CD86: variants seen among roughly 807,000 people sequenced by gnomAD.
The protein encoded by CD86 is T-lymphocyte activation antigen CD86.
In CD86, 11 loss-of-function variants were observed where a neutral mutation model predicts 32.1. That is an observed-to-expected ratio of 0.34 (90% CI 0.22 to 0.57). CD86 has a LOEUF of 0.57. CD86 is among the 20% of genes least tolerant of loss of function. The pLI is 0.86. For missense variants in CD86, 359 were observed against 398.4 expected (o/e 0.90, Z 0.84); for synonymous variants, 137 against 135.3 (o/e 1.01, Z -0.09).
rs144260362 is a variant in CD86, at chr3:122,101,213, A to G, written c.65-2299A>G. ...GGAGACAGAGGCAGAGATTCTCTAC[A>G]ACAGCTGCTCAAACTATAGCTCTTG... On this transcript the variant is annotated intron_variant, in intron 2 of 6. Transcript: ENST00000330540. Among the ~76,000 whole-genome samples the G allele has an allele frequency of 3.1e-3, 468 of 152,208 alleles. 1 individual carries two copies. Among genetic ancestry groups the G allele is most frequent in the Non-Finnish European group, 4.0e-3 (271 of 68,014 alleles).
chr3:122,071,300 C>G (rs1471788699), intron 1 of CD86, among the ~76,000 whole-genome samples: 1 of 152,168 alleles, frequency 6.6e-6, no homozygotes, highest in Non-Finnish European at 1.5e-5. Context: ...CACCCCTCCC[C>G]AACCCCTGGA....
intron 4 of CD86, among the ~76,000 whole-genome samples, chr3:122,108,230 C>T (rs1428138741): frequency 6.6e-6 from 1 of 152,232 alleles, no homozygotes; most frequent in Non-Finnish European, 1.5e-5. Flanking sequence ...GCTTGCCTCT[C>T]TGGGTTTCCC....
chr3:122,078,092 G>C (rs2072580240), intron 1 of CD86: 1 of 975,474 alleles, frequency 1.0e-6, no homozygotes, highest in South Asian at 4.7e-5. Context: ...ATGAGATAAA[G>C]CTGCAAGCTG....
chr3:122,056,928 G>A (rs542284964), intron 1 of CD86, among the ~76,000 whole-genome samples: 3 of 152,264 alleles, frequency 2.0e-5, no homozygotes, highest in African/African-American at 7.2e-5. Context: ...TATTGAACTT[G>A]TTAAGATTCC....
At chr3:122,106,875 G>A (rs1036735228) in intron 4 of CD86, among the ~76,000 whole-genome samples, 228 of 37,166 alleles carry the variant, frequency 6.1e-3, no homozygotes, top group Non-Finnish European at 0.015. Context: ...CACACACCAT[G>A]CATACATGCA....
chr3:122,059,713 T>A (rs1273945510), intron 1 of CD86, among the ~76,000 whole-genome samples: 2 of 152,134 alleles, frequency 1.3e-5, no homozygotes, highest in Non-Finnish European at 2.9e-5. Flanking sequence ...TTAAAATTCA[T>A]ATGTTGAAAT....
At chr3:122,103,930 C>T in intron 3 of CD86, 83 bp downstream of exon 3, 1 of 1,141,582 alleles carries the variant, frequency 8.8e-7, no homozygotes, top group Admixed American at 2.1e-5. Context: ...TGGAGGGGGA[C>T]TTGAGGGGCC....
At chr3:122,102,495 C>T (rs1370904460) in intron 2 of CD86, among the ~76,000 whole-genome samples, 1 of 134,934 alleles carries the variant, frequency 7.4e-6, no homozygotes, top group East Asian at 2.6e-4. Flanking sequence ...TGATCATTCA[C>T]ATTTAAGTAG....
At chr3:122,078,034 C>A (rs145115027) in intron 1 of CD86, 4 of 985,572 alleles carry the variant, frequency 4.1e-6, no homozygotes, top group African/African-American at 1.7e-5. Flanking sequence ...AGTGGACAGG[C>A]ATTTGTGACA....
intron 1 of CD86, among the ~76,000 whole-genome samples, chr3:122,071,746 T>C (rs920729513): frequency 2.0e-5 from 3 of 152,054 alleles, no homozygotes; most frequent in Admixed American, 2.0e-4. Context: ...TTTATTATAC[T>C]TTAAGTTTTA....
chr3:122,100,736 A>T (rs1267725746), intron 2 of CD86, among the ~76,000 whole-genome samples: 1 of 152,140 alleles, frequency 6.6e-6, no homozygotes, highest in Non-Finnish European at 1.5e-5. Flanking sequence ...CTGATTACGA[A>T]GGCATCTAGC....
At chr3:122,084,427 C>A (rs1255294574) in intron 1 of CD86, among the ~76,000 whole-genome samples, 1 of 152,218 alleles carries the variant, frequency 6.6e-6, no homozygotes, top group East Asian at 1.9e-4. Flanking sequence ...CATTGCACTG[C>A]AAAAGCAGCC....
chr3:122,103,598 A>T lies in CD86; in HGVS notation c.151A>T (p.Ser51Cys), dbSNP rs1005895615. 1 of 1,613,984 alleles carries T rather than the reference A, an allele frequency of 6.2e-7. No homozygotes were observed. Among genetic ancestry groups the T allele is most frequent in the Non-Finnish European group, 8.5e-7 (1 of 1,179,882 alleles). ...QFANSQNQSL[S>C]ELVVFWQDQE... ...TGCAAACTCTCAAAACCAAAGCCTGAGTGAGCTAGTAGTATTTTGGCAGGA... is the reference window on the plus strand; with the variant it reads ...TGCAAACTCTCAAAACCAAAGCCTGTGTGAGCTAGTAGTATTTTGGCAGGA... The change falls in exon 3 of 7, where the codon AGT (serine) becomes TGT (cysteine). Residue 51 changes from serine to cysteine, a missense_variant. Physicochemically the swap from Ser to Cys is moderately radical, Grantham distance 112. Coordinates refer to ENST00000330540, the MANE Select transcript of CD86 (RefSeq NM_175862.5).
At chr3:122,080,109 CTT>C (rs1436418502) in intron 1 of CD86, among the ~76,000 whole-genome samples, 1 of 152,068 alleles carries the variant, frequency 6.6e-6, no homozygotes, top group Non-Finnish European at 1.5e-5. Context: ...GGCTTCCTCT[CTT>C]TGACCATGAT....
At chr3:122,074,682 G>A (rs749792231) in intron 1 of CD86, among the ~76,000 whole-genome samples, 5 of 152,106 alleles carry the variant, frequency 3.3e-5, no homozygotes, top group Non-Finnish European at 7.4e-5. Context: ...CTGACTGTGT[G>A]GTCCTCAGGG....
chr3:122,085,127 A>G (rs1392899645), intron 1 of CD86, among the ~76,000 whole-genome samples: 1 of 152,198 alleles, frequency 6.6e-6, no homozygotes. Flanking sequence ...TTCAATAAAT[A>G]TTTGTGGAAG....
At chr3:122,112,325 T>TG (rs1340432074) in intron 5 of CD86, among the ~76,000 whole-genome samples, 7 of 151,916 alleles carry the variant, frequency 4.6e-5, no homozygotes, top group African/African-American at 1.7e-4. Flanking sequence ...ATTTTTTTTT[T>TG]GTGTGTGTGT....
chr3:122,083,567 A>T (rs2107519168), intron 1 of CD86, among the ~76,000 whole-genome samples: 1 of 152,262 alleles, frequency 6.6e-6, no homozygotes, highest in African/African-American at 2.4e-5. Context: ...AGAACAATGA[A>T]TCCTTTACCC....
chr3:122,090,238 A>T (rs1479465547), intron 1 of CD86, among the ~76,000 whole-genome samples: 1 of 152,224 alleles, frequency 6.6e-6, no homozygotes, highest in Non-Finnish European at 1.5e-5. Context: ...AAAACATAAC[A>T]GACACTTCTA....
Sources: allele counts gnomAD v4.1 joint callset (sites outside exome capture counted in the v4.1 genomes callset), GRCh38; gene constraint gnomAD v4.1.1; transcripts MANE v1.5; gene names NCBI Gene and HGNC (gene_info 2026-07-23, HGNC 2026-07-21).